Variants in RPS6KA2 observed in about 807,000 individuals in gnomAD.
The protein encoded by RPS6KA2 is ribosomal protein S6 kinase A2, also known as ribosomal protein S6 kinase alpha-2.
A neutral mutation model predicts 91.8 loss-of-function variants in RPS6KA2; 42 were observed. The ratio of observed to expected loss-of-function variants is 0.46; its 90% confidence interval spans 0.36 to 0.59. RPS6KA2 has a LOEUF of 0.59. Ranked by LOEUF, RPS6KA2 falls within the 20% of genes least tolerant of loss-of-function variation. RPS6KA2 has a pLI of 0.00. For missense variants in RPS6KA2, 798 were observed against 978.5 expected, an observed-to-expected ratio of 0.82 and a Z score of 2.46; for synonymous variants, 414 against 393.6, an observed-to-expected ratio of 1.05 and a Z score of -0.61.
chr6:166,541,965 G>GA (rs1303379045), intron 1 of RPS6KA2, among the ~76,000 whole-genome samples: 12 of 152,204 alleles, frequency 7.9e-5, no homozygotes, highest in African/African-American at 1.7e-4. Context: ...GGCGTCAATG[G>GA]AAAAAAATCC....
chr6:166,858,381 G>C (rs1745971637), intron 1 of RPS6KA2: 1 of 653,218 alleles, frequency 1.5e-6, no homozygotes, highest in Admixed American at 2.6e-5. Context: ...TGTAGGACAT[G>C]GAAACCATAT....
intron 2 of RPS6KA2, among the ~76,000 whole-genome samples, chr6:166,690,568 C>G (rs977575823): frequency 6.6e-6 from 1 of 152,192 alleles, no homozygotes; most frequent in African/African-American, 2.4e-5. Context: ...CGCGTCGGAA[C>G]TCCAGGCGTC....
At position 166,569,620 on chromosome 6, in the gene RPS6KA2, T is replaced by A. The variant is rs563959329; in HGVS notation, c.100-30836A>T. 1.8e-3 allele frequency among the ~76,000 whole-genome samples: 268 copies of A among 152,258 alleles called. 1 individual carries two copies. The highest frequency in any genetic ancestry group is 6.2e-3 in the African/African-American group (256 of 41,558). ...GGGTCTTTCTGGTCACTCCCAGGAC[T>A]CCTCTATGGGCAGGGGCCACATCGT... On this transcript the variant is annotated intron_variant, in intron 1 of 20. Transcript: ENST00000265678.
At chr6:166,605,769 T>C (rs1785931860) in intron 1 of RPS6KA2, among the ~76,000 whole-genome samples, 1 of 152,168 alleles carries the variant, frequency 6.6e-6, no homozygotes, top group Non-Finnish European at 1.5e-5. Context: ...AAAATAAAAA[T>C]AGCACACAAA....
chr6:166,838,193 A>G (rs1005913606), intron 2 of RPS6KA2, among the ~76,000 whole-genome samples: 20 of 152,208 alleles, frequency 1.3e-4, no homozygotes, highest in African/African-American at 4.3e-4. Context: ...TTGGAAATCA[A>G]TGCCTTGTCC....
chr6:166,576,569 C>T (rs112451126), intron 1 of RPS6KA2, among the ~76,000 whole-genome samples: 34 of 152,244 alleles, frequency 2.2e-4, no homozygotes, highest in Middle Eastern at 3.4e-3. Context: ...TTGCCCCTGC[C>T]CTAGAGATTT....
At chr6:166,453,718 G>T (rs897470392) in intron 12 of RPS6KA2, among the ~76,000 whole-genome samples, 21 of 152,212 alleles carry the variant, frequency 1.4e-4, no homozygotes, top group African/African-American at 4.8e-4. Context: ...CAAAGGAAAA[G>T]AAATCGTTGT....
Position 166,737,542 on chromosome 6 carries a change from C to G in RPS6KA2, c.123+120658G>C, listed in dbSNP as rs991709452. Among the ~76,000 whole-genome samples, 5 of 152,158 alleles carry G rather than the reference C, an allele frequency of 3.3e-5. No homozygotes were observed. The highest frequency in any genetic ancestry group is 3.3e-4 in the Admixed American group (5 of 15,276). On this transcript the variant is annotated intron_variant, in intron 2 of 21. Coordinates refer to the RPS6KA2 transcript ENST00000503859. This position sits in a 1 kb window ranked among gnomAD's most constrained non-coding sequence, Gnocchi z 4.3. ...CAGAGGCATTAAAGAGAATTCTAAACGTCTCCTTTGCAAATTGTTCAATTA... is the reference window on the plus strand; with the variant it reads ...CAGAGGCATTAAAGAGAATTCTAAAGGTCTCCTTTGCAAATTGTTCAATTA...
At chr6:166,696,281 A>G (rs1332915156) in intron 2 of RPS6KA2, among the ~76,000 whole-genome samples, 1 of 152,208 alleles carries the variant, frequency 6.6e-6, no homozygotes, top group Non-Finnish European at 1.5e-5. Flanking sequence ...GACTGAATCA[A>G]TACGGGGGTG....
intron 1 of RPS6KA2, among the ~76,000 whole-genome samples, chr6:166,593,976 C>T (rs1785442882): frequency 6.6e-6 from 1 of 152,168 alleles, no homozygotes; most frequent in South Asian, 2.1e-4. Flanking sequence ...CTAACAATTC[C>T]ATTCCCGACA....
intron 19 of RPS6KA2, among the ~76,000 whole-genome samples, chr6:166,416,018 T>C (rs57143333): frequency 0.015 from 66 of 4,512 alleles, no homozygotes; most frequent in Admixed American, 0.047. Context: ...CCCCCACCAT[T>C]ACGCTCACCA....
intron 2 of RPS6KA2, among the ~76,000 whole-genome samples, chr6:166,798,844 G>A (rs1779290600): frequency 6.6e-6 from 1 of 152,100 alleles, no homozygotes; most frequent in South Asian, 2.1e-4. Context: ...GTTCCTGGTG[G>A]TGGCGCCCTC....
chr6:166,738,747 C>T (rs1790735203), intron 2 of RPS6KA2, among the ~76,000 whole-genome samples: 1 of 152,204 alleles, frequency 6.6e-6, no homozygotes, highest in African/African-American at 2.4e-5. Context: ...TCACATAGAA[C>T]TGGAAAGATA....
Position 166,430,477 on chromosome 6 carries a change from G to A in RPS6KA2, c.1557C>T (p.Thr519=). The A allele has an allele frequency of 6.2e-7, 1 of 1,613,558 alleles. No individual in the cohort carries two copies. The highest frequency in any genetic ancestry group is 8.5e-7 in the Non-Finnish European group (1 of 1,179,684). Reference sequence around the variant, plus strand: ...CCCCCTGGGAATGGAGGTAGTCCATGGTCTTGGTGATGGTGCACAGGACGT... The same window carrying A: ...CCCCCTGGGAATGGAGGTAGTCCATAGTCTTGGTGATGGTGCACAGGACGT... ...ASDVLCTITK[T]MDYLHSQGVV... The change falls in exon 16 of 21, where the codon ACC becomes ACT. Residue 519 remains threonine, a synonymous_variant. Coordinates refer to ENST00000265678, the MANE Select transcript of RPS6KA2 (RefSeq NM_021135.6).
In RPS6KA2 at chr6:166,815,192, A is replaced by C. The variant is rs550052519; in HGVS notation, c.123+43008T>G. 2.8e-4 allele frequency among the ~76,000 whole-genome samples: 43 copies of C among 152,368 alleles called. No individual in the cohort carries two copies. In the South Asian group the frequency reaches 8.7e-3, roughly 31 times the overall value. ...AAGTCACTTTTTGTGGCCATGAAAC[A>C]TGAATTTAAGAACTATTCTGAAGTT... On this transcript the variant is annotated intron_variant, in intron 2 of 21. Coordinates refer to the RPS6KA2 transcript ENST00000503859.
intron 3 of RPS6KA2, among the ~76,000 whole-genome samples, chr6:166,514,427 G>A (rs986489624): frequency 1.3e-5 from 2 of 152,186 alleles, no homozygotes; most frequent in African/African-American, 4.8e-5. Context: ...TTTCACAGAG[G>A]AGGGGCTAAG....
chr6:166,634,395 C>T (rs945507258), intron 2 of RPS6KA2, among the ~76,000 whole-genome samples: 1 of 152,190 alleles, frequency 6.6e-6, no homozygotes, highest in African/African-American at 2.4e-5. Context: ...CAGGCGCCAC[C>T]TCTGAGTTGC....
At chr6:166,859,945 T>C (rs1031620710) in intron 1 of RPS6KA2, among the ~76,000 whole-genome samples, 3 of 152,240 alleles carry the variant, frequency 2.0e-5, no homozygotes, top group Non-Finnish European at 2.9e-5. Context: ...GAGAAAAGCA[T>C]GCAGGCTCCT....
At chr6:166,634,025 C>T (rs1009576025) in intron 2 of RPS6KA2, among the ~76,000 whole-genome samples, 6 of 152,148 alleles carry the variant, frequency 3.9e-5, no homozygotes, top group Admixed American at 2.0e-4. Context: ...GTGAGTGACA[C>T]TGTGTGGGCA....
Sources: gnomAD v4.1 joint callset for allele counts (sites outside exome capture counted in the v4.1 genomes callset) on GRCh38, gnomAD v4.1.1 for gene constraint, Gnocchi (gnomAD v3.1) non-coding constraint, MANE v1.5 for transcripts, NCBI Gene and HGNC (gene_info 2026-07-23, HGNC 2026-07-21) for gene names.